Variants in AUTS2 observed in about 807,000 individuals in gnomAD.
AUTS2 encodes the protein autism susceptibility gene 2 protein.
AUTS2 carries 17 observed loss-of-function variants against 112.4 expected under a neutral mutation model. The observed-to-expected ratio is 0.15, with a 90% CI of 0.10 to 0.23. The LOEUF (loss-of-function observed/expected upper bound fraction) is 0.23. Ranked by LOEUF, AUTS2 falls within the 10% of genes least tolerant of loss-of-function variation. The pLI is 1.00. For synonymous variants in AUTS2, 751 were observed against 702.7 expected, an observed-to-expected ratio of 1.07 and a Z score of -1.09; for missense variants, 1,510 against 1,701.6, an observed-to-expected ratio of 0.89 and a Z score of 1.98.
intron 5 of AUTS2, among the ~76,000 whole-genome samples, chr7:70,648,273 G>C (rs555776605): frequency 2.0e-5 from 3 of 152,218 alleles, no homozygotes; most frequent in Non-Finnish European, 4.4e-5. Context: ...ACAGTTTCCT[G>C]CATTCTGTGA....
At chr7:70,381,131 G>A (rs1228977959) in intron 4 of AUTS2, among the ~76,000 whole-genome samples, 2 of 152,066 alleles carry the variant, frequency 1.3e-5, no homozygotes, top group African/African-American at 2.4e-5. Flanking sequence ...CACTGAAATA[G>A]GATGAAATAA....
chr7:70,302,590 CT>C (rs11329812), intron 4 of AUTS2, among the ~76,000 whole-genome samples: 45,591 of 151,566 alleles, frequency 0.3, 7,114 homozygotes, highest in African/African-American at 0.38. Flanking sequence ...TCTTCCTGTC[CT>C]TTTGCTCTTA....
chr7:70,640,622 A>G (rs1805776242), intron 5 of AUTS2, among the ~76,000 whole-genome samples: 2 of 151,914 alleles, frequency 1.3e-5, no homozygotes, highest in African/African-American at 2.4e-5. Context: ...ACTGAGACAC[A>G]GGGGCTTTCA....
rs906287241 is a variant in AUTS2, at chr7:70,255,541, CTT to C, written c.660+120973_660+120974del. Among the ~76,000 whole-genome samples the C allele has an allele frequency of 3.9e-5, 6 of 152,328 alleles. No individual in the cohort carries two copies. The East Asian group carries it at 5.8e-4, about 15-fold the overall frequency. ...CCCCACAAATAACTGAGTTTGCACT[CTT>C]TTGGCAAGCAAGGACTGCTCTCAGA... is the stretch of plus-strand genomic sequence containing the variant. On this transcript the variant is annotated intron_variant, in intron 4 of 18. Coordinates refer to ENST00000342771, the MANE Select transcript of AUTS2 (RefSeq NM_015570.4).
Position 70,786,667 on chromosome 7 carries a change from G to A in AUTS2, c.2309-542G>A, listed in dbSNP as rs547430229. ...TTTCATGCTACATACCATATATTCC[G>A]GGTACAGGAAGAGCTAAAACGTGTC... On this transcript the variant is annotated intron_variant, in intron 17 of 18. Coordinates refer to ENST00000342771, the MANE Select transcript of AUTS2 (RefSeq NM_015570.4). 7.1e-4 allele frequency among the ~76,000 whole-genome samples: 108 copies of A among 152,102 alleles called. 1 individual carries two copies. The highest frequency in any genetic ancestry group is 2.1e-3 in the Admixed American group (32 of 15,280).
intron 2 of AUTS2, among the ~76,000 whole-genome samples, chr7:69,965,746 T>C (rs2129547419): frequency 6.6e-6 from 1 of 152,272 alleles, no homozygotes; most frequent in East Asian, 1.9e-4. Flanking sequence ...GTGAATTCCA[T>C]AGACTCTCTT....
intron 5 of AUTS2, among the ~76,000 whole-genome samples, chr7:70,628,274 G>A (rs925128166): frequency 1.2e-4 from 18 of 151,402 alleles, no homozygotes; most frequent in African/African-American, 4.1e-4. Flanking sequence ...CCTGGGGAGG[G>A]GCCACATGTT....
At chr7:70,546,358 C>T (rs966184561) in intron 5 of AUTS2, among the ~76,000 whole-genome samples, 2 of 152,068 alleles carry the variant, frequency 1.3e-5, no homozygotes, top group African/African-American at 4.8e-5. Context: ...GCAGGAGAAT[C>T]GCTTGAACCC....
chr7:70,252,925 A>G (rs1786676718), intron 4 of AUTS2, among the ~76,000 whole-genome samples: 1 of 152,120 alleles, frequency 6.6e-6, no homozygotes, highest in South Asian at 2.1e-4. Context: ...TGTGTTCTCT[A>G]TCCTGTTTCA....
intron 2 of AUTS2, among the ~76,000 whole-genome samples, chr7:70,002,861 T>A (rs1245535941): frequency 6.6e-6 from 1 of 151,972 alleles, no homozygotes; most frequent in African/African-American, 2.4e-5. Flanking sequence ...TCACTCTTAG[T>A]CTTTAAAATC....
intron 6 of AUTS2, among the ~76,000 whole-genome samples, chr7:70,716,709 C>G (rs1016658503): frequency 6.7e-6 from 1 of 148,960 alleles, no homozygotes; most frequent in African/African-American, 2.5e-5. Flanking sequence ...CCAGCCTGAC[C>G]TGTTTGAAGT....
At chr7:70,716,050 T>C (rs563771685) in intron 6 of AUTS2, among the ~76,000 whole-genome samples, 3 of 152,370 alleles carry the variant, frequency 2.0e-5, no homozygotes, top group Admixed American at 6.5e-5. Flanking sequence ...TCGTGTTTGG[T>C]CTGATCAACC....
At chr7:70,319,898 AAATG>A (rs371912639) in intron 4 of AUTS2, among the ~76,000 whole-genome samples, 3 of 152,330 alleles carry the variant, frequency 2.0e-5, no homozygotes, top group South Asian at 2.1e-4. Flanking sequence ...AAGAATACGT[AAATG>A]AATGAATGAA....
At chr7:70,484,875 G>GA (rs1210031656) in intron 5 of AUTS2, among the ~76,000 whole-genome samples, 2 of 152,120 alleles carry the variant, frequency 1.3e-5, no homozygotes, top group South Asian at 2.1e-4. Flanking sequence ...ATAAACATAT[G>GA]AAAAAATGCT....
At chr7:70,304,101 C>T (rs1209958195) in intron 4 of AUTS2, among the ~76,000 whole-genome samples, 1 of 152,228 alleles carries the variant, frequency 6.6e-6, no homozygotes, top group Non-Finnish European at 1.5e-5. Context: ...TCTGCTGCCA[C>T]TTTCCTGCCT....
At chr7:69,932,793 G>A (rs1190793407) in intron 2 of AUTS2, among the ~76,000 whole-genome samples, 4 of 152,198 alleles carry the variant, frequency 2.6e-5, no homozygotes, top group Non-Finnish European at 4.4e-5. Flanking sequence ...ATGAGTGTAC[G>A]ATAGTGGCTT....
At chr7:70,319,522 G>A (rs1030861346) in intron 4 of AUTS2, among the ~76,000 whole-genome samples, 1 of 152,160 alleles carries the variant, frequency 6.6e-6, no homozygotes, top group African/African-American at 2.4e-5. Flanking sequence ...AGTGAGACAG[G>A]GAGCAGTAAT....
chr7:69,690,755 C>T (rs1429666986), intron 1 of AUTS2, among the ~76,000 whole-genome samples: 2 of 152,224 alleles, frequency 1.3e-5, no homozygotes, highest in African/African-American at 4.8e-5. Flanking sequence ...ACTCTTCTCT[C>T]TTTCTCGTCA....
Position 69,692,218 on chromosome 7 carries a change from C to T in AUTS2, c.309+92256C>T, listed in dbSNP as rs574902863. The stretch of plus-strand genomic sequence containing the variant: ...AAGTCTGTAGAGATAATAGAACAAA[C>T]GTAATTTTTTGTGTGGTTGGCAACG... On this transcript the variant is annotated intron_variant, in intron 1 of 18. Transcript: ENST00000342771. Among the ~76,000 whole-genome samples the T allele has an allele frequency of 1.1e-4, 16 of 152,320 alleles. No homozygotes were observed. The South Asian group carries it at 1.2e-3, about 12-fold the overall frequency.
Sources: allele counts gnomAD v4.1 joint callset (sites outside exome capture counted in the v4.1 genomes callset), GRCh38; gene constraint gnomAD v4.1.1; transcripts MANE v1.5; gene names NCBI Gene and HGNC (gene_info 2026-07-23, HGNC 2026-07-21).